Variants in TCEA3 observed in about 807,000 individuals in gnomAD.
The protein encoded by TCEA3 is transcription elongation factor A protein 3.
Under a neutral mutation model 44.0 loss-of-function variants are expected in TCEA3, and 36 were observed. The ratio of observed to expected loss-of-function variants is 0.82; its 90% CI spans 0.63 to 1.08. The LOEUF is 1.08. Among genes scored for constraint, TCEA3 ranks in the 50% least tolerant of loss-of-function variants. The pLI, the probability that TCEA3 is intolerant of heterozygous loss-of-function variation, is 0.00. For synonymous variants in TCEA3, 162 were observed against 159.7 expected, an observed-to-expected ratio of 1.01 and a Z score of -0.11; for missense variants, 392 against 441.2, an observed-to-expected ratio of 0.89 and a Z score of 1.00.
At chr1:23,401,292 G>T (rs905284416) in intron 5 of TCEA3, among the ~76,000 whole-genome samples, 7 of 152,210 alleles carry the variant, frequency 4.6e-5, no homozygotes, top group Non-Finnish European at 8.8e-5. Context: ...CTCTGTTCTT[G>T]TAAGGTTTAC....
At chr1:23,382,814 G>C (rs1638702773) in intron 10 of TCEA3, among the ~76,000 whole-genome samples, 1 of 152,192 alleles carries the variant, frequency 6.6e-6, no homozygotes, top group Admixed American at 6.5e-5. Flanking sequence ...GCTAGGATTT[G>C]AGCCTGATGC....
chr1:23,407,735 T>C (rs1639583861), intron 5 of TCEA3, among the ~76,000 whole-genome samples: 1 of 152,014 alleles, frequency 6.6e-6, no homozygotes, highest in African/African-American at 2.4e-5. Flanking sequence ...AAGGCCCCCA[T>C]CACTGCAGGG....
chr1:23,410,611 G>A (rs1483879519), intron 4 of TCEA3, among the ~76,000 whole-genome samples: 1 of 151,906 alleles, frequency 6.6e-6, no homozygotes, highest in Non-Finnish European at 1.5e-5. Context: ...AAACCAGCCT[G>A]GCCAACATGG....
intron 2 of TCEA3, among the ~76,000 whole-genome samples, chr1:23,418,872 C>T (rs527693805): frequency 2.6e-5 from 4 of 152,132 alleles, no homozygotes; most frequent in Admixed American, 1.3e-4. Flanking sequence ...AGGTCCCCTA[C>T]ACCTAGAAGA....
chr1:23,405,221 A>G (rs1296167519), intron 5 of TCEA3, among the ~76,000 whole-genome samples: 1 of 152,204 alleles, frequency 6.6e-6, no homozygotes, highest in Non-Finnish European at 1.5e-5. Context: ...TTGCCAAATC[A>G]ATGAATGGAT....
chr1:23,384,358 G>A lies in TCEA3; in HGVS notation c.1026C>T (p.Gly342=). 2 of 1,613,974 alleles carry A rather than the reference G, an allele frequency of 1.2e-6. No homozygotes were observed. Among genetic ancestry groups the A allele is most frequent in the African/African-American group, 1.3e-5 (1 of 75,062 alleles). ...TAAACATACAGACCTTCCAGCGATT[G>A]CCACATTCATTGCATAAGACAAAGG... The part of the protein sequence containing the change: ...MTTFVLCNEC[G]NRWKFC Residue 342 remains glycine, a synonymous_variant, in exon 10 of 11, where the codon GGC becomes GGT. Transcript: ENST00000450454.
At chr1:23,384,286 G>A (rs769151027) in intron 10 of TCEA3, 60 bp downstream of exon 10, 28 of 1,612,682 alleles carry the variant, frequency 1.7e-5, no homozygotes, top group Middle Eastern at 1.6e-4. Flanking sequence ...GGTACACTAC[G>A]CCTTATGCGG....
chr1:23,424,544 G>A lies in TCEA3; in HGVS notation c.69+21C>T, dbSNP rs774481495. On this transcript the variant is annotated intron_variant, in intron 1 of 10. Transcript: ENST00000450454. ...GCGCCTCCCGGGGGCGGGGGCCGTG[G>A]CCCAAACTCTGCAGCCTCACCGTGT... 5 of 1,601,364 alleles carry A rather than the reference G, an allele frequency of 3.1e-6. No homozygotes were observed. The South Asian group carries it at 4.4e-5, about 14-fold the overall frequency.
At chr1:23,382,496 T>C (rs10917375) in intron 10 of TCEA3, among the ~76,000 whole-genome samples, 21,511 of 152,186 alleles carry the variant, frequency 0.14, 2,168 homozygotes, top group African/African-American at 0.27. Context: ...TGTATGGTTG[T>C]ATAATTTGTT....
chr1:23,411,893 A>T (rs1639717307), intron 4 of TCEA3, among the ~76,000 whole-genome samples: 1 of 152,256 alleles, frequency 6.6e-6, no homozygotes, highest in African/African-American at 2.4e-5. Context: ...ATGCAAGGCC[A>T]CAAGTTATGC....
intron 5 of TCEA3, among the ~76,000 whole-genome samples, chr1:23,402,767 A>G (rs1639436250): frequency 6.6e-6 from 1 of 152,176 alleles, no homozygotes; most frequent in Non-Finnish European, 1.5e-5. Context: ...GGACCCTGTC[A>G]CGGGTTCACC....
At chr1:23,410,026 C>T (rs1639665499) in intron 4 of TCEA3, among the ~76,000 whole-genome samples, 1 of 152,024 alleles carries the variant, frequency 6.6e-6, no homozygotes, top group Non-Finnish European at 1.5e-5. Flanking sequence ...CTGCAAGCTC[C>T]CCAGGGCCTC....
At chr1:23,421,693 T>C (rs560856560) in intron 1 of TCEA3, among the ~76,000 whole-genome samples, 36 of 152,354 alleles carry the variant, frequency 2.4e-4, no homozygotes, top group Admixed American at 1.6e-3. Context: ...TCTCTGACCA[T>C]ACATGACAGT....
Position 23,382,996 on chromosome 1 carries a change from G to T in TCEA3, c.1038+1350C>A, listed in dbSNP as rs621691. Reference sequence around the variant, plus strand: ...AGGTCCTTAGTAAGAAAAATAATTAGAGGCCGGGCGCGGCGGCTCACGCCT... The same window carrying T: ...AGGTCCTTAGTAAGAAAAATAATTATAGGCCGGGCGCGGCGGCTCACGCCT... On this transcript the variant is annotated intron_variant, in intron 10 of 10. Transcript: ENST00000450454. Among the ~76,000 whole-genome samples the T allele has an allele frequency of 9.4e-4, 143 of 152,294 alleles. 1 individual carries two copies. The highest frequency in any genetic ancestry group is 3.1e-3 in the African/African-American group (128 of 41,576).
rs1208601684 is a variant in TCEA3, at chr1:23,381,200, C to A, written c.*266G>T. The A allele has an allele frequency of 1.0e-5, 5 of 476,250 alleles. No individual in the cohort carries two copies. Among genetic ancestry groups the A allele is most frequent in the Non-Finnish European group, 3.7e-6 (1 of 266,906 alleles). The allele number at this position is 476,250 out of a possible 1,614,324, so 29.5% of individuals were successfully genotyped here. On this transcript the variant is annotated 3_prime_UTR_variant, in exon 11 of 11. Coordinates refer to ENST00000450454, the MANE Select transcript of TCEA3 (RefSeq NM_003196.3). ...AGAGTTTGCAGATTACAGCCATAAA[C>A]CACCGTGCCCAGCCCTCTGCAGTTT...
intron 5 of TCEA3, among the ~76,000 whole-genome samples, chr1:23,408,255 C>A (rs950282305): frequency 2.0e-5 from 3 of 152,192 alleles, no homozygotes; most frequent in Non-Finnish European, 2.9e-5. Flanking sequence ...AGCCACTGTG[C>A]CCAGCCTAGG....
chr1:23,411,372 G>T (rs1639700929), intron 4 of TCEA3: 1 of 156,558 alleles, frequency 6.4e-6, no homozygotes, highest in Admixed American at 6.5e-5. Context: ...TGGCCAGGCT[G>T]GTCTCGAACT....
chr1:23,385,872 T>G (rs1315994768), intron 9 of TCEA3, among the ~76,000 whole-genome samples: 1 of 149,786 alleles, frequency 6.7e-6, no homozygotes, highest in Non-Finnish European at 1.5e-5. Context: ...GTGTGGATCT[T>G]GTTTATTACT....
intron 5 of TCEA3, among the ~76,000 whole-genome samples, chr1:23,399,257 A>C (rs76624309): frequency 6.7e-6 from 1 of 149,330 alleles, no homozygotes; most frequent in African/African-American, 2.4e-5. Context: ...GGGAGGCTTC[A>C]CTAGCAGAAA....
Sources: allele counts gnomAD v4.1 joint callset (sites outside exome capture counted in the v4.1 genomes callset), GRCh38; gene constraint gnomAD v4.1.1; transcripts MANE v1.5; gene names NCBI Gene and HGNC (gene_info 2026-07-23, HGNC 2026-07-21).